Variants in ANKS1A observed in about 807,000 individuals in gnomAD.
ANKS1A encodes the protein ankyrin repeat and SAM domain-containing protein 1A.
A neutral mutation model predicts 120.3 loss-of-function variants in ANKS1A; 55 were observed. That is an observed-to-expected ratio of 0.46 (90% confidence interval 0.37 to 0.57). ANKS1A has a LOEUF of 0.57. Among genes scored for constraint, ANKS1A ranks in the 20% least tolerant of loss-of-function variants. ANKS1A has a pLI of 0.00. For missense variants in ANKS1A, 1,123 were observed against 1,480.3 expected, an observed-to-expected ratio of 0.76 and a Z score of 3.96; for synonymous variants, 590 against 604.7, an observed-to-expected ratio of 0.98 and a Z score of 0.36.
chr6:34,912,818 C>G (rs1174188721), intron 1 of ANKS1A, among the ~76,000 whole-genome samples: 1 of 152,038 alleles, frequency 6.6e-6, no homozygotes, highest in Non-Finnish European at 1.5e-5. Context: ...TTTTGACTGG[C>G]TTTTGTGTAT....
chr6:34,950,782 G>C (rs189131584), intron 1 of ANKS1A, among the ~76,000 whole-genome samples: 149 of 152,252 alleles, frequency 9.8e-4, no homozygotes, highest in Non-Finnish European at 1.8e-3. Flanking sequence ...TAGCAAGGAT[G>C]GGGGTGGGTG....
chr6:35,080,090 C>T (rs1777594792), intron 16 of ANKS1A, among the ~76,000 whole-genome samples, 162 bp downstream of exon 16: 1 of 152,186 alleles, frequency 6.6e-6, no homozygotes, highest in Non-Finnish European at 1.5e-5. Flanking sequence ...AAGTTCCCCG[C>T]CACCTGTTTC....
At chr6:34,925,831 C>T (rs1768689732) in intron 1 of ANKS1A, among the ~76,000 whole-genome samples, 3 of 152,118 alleles carry the variant, frequency 2.0e-5, no homozygotes, top group Admixed American at 2.0e-4. Context: ...TTTTGGTTGT[C>T]ATACTTAGTG....
intron 3 of ANKS1A, among the ~76,000 whole-genome samples, chr6:34,973,313 C>T (rs546349425): frequency 6.6e-6 from 1 of 152,276 alleles, no homozygotes; most frequent in African/African-American, 2.4e-5. Context: ...AACTATGTTG[C>T]AGGACCAAGG....
At chr6:34,909,484 G>A (rs903029505) in intron 1 of ANKS1A, among the ~76,000 whole-genome samples, 1 of 152,184 alleles carries the variant, frequency 6.6e-6, no homozygotes, top group Non-Finnish European at 1.5e-5. Flanking sequence ...TTCTAAGTGC[G>A]TTTAAATGGT....
intron 10 of ANKS1A, among the ~76,000 whole-genome samples, chr6:34,999,423 T>C (rs1773033882): frequency 6.6e-6 from 1 of 152,244 alleles, no homozygotes; most frequent in Non-Finnish European, 1.5e-5. Flanking sequence ...TGCAAAAGTG[T>C]GTGTGTGCCC....
chr6:34,923,691 G>A (rs1268451818), intron 1 of ANKS1A, among the ~76,000 whole-genome samples: 1 of 152,204 alleles, frequency 6.6e-6, no homozygotes, highest in African/African-American at 2.4e-5. Context: ...ATATGATTGA[G>A]TGAGCAGGTT....
intron 13 of ANKS1A, among the ~76,000 whole-genome samples, chr6:35,064,032 G>A (rs916569271): frequency 4.6e-5 from 7 of 152,252 alleles, no homozygotes; most frequent in African/African-American, 1.7e-4. Flanking sequence ...TGAGGGAGGA[G>A]GCTGCTGGGG....
intron 11 of ANKS1A, among the ~76,000 whole-genome samples, chr6:35,031,791 C>T (rs1774922852): frequency 6.6e-6 from 1 of 152,194 alleles, no homozygotes; most frequent in Middle Eastern, 3.2e-3. Flanking sequence ...GCCTGGAGTG[C>T]ATGATTCACC....
At chr6:34,924,270 T>C (rs531932599) in intron 1 of ANKS1A, among the ~76,000 whole-genome samples, 2 of 152,288 alleles carry the variant, frequency 1.3e-5, no homozygotes, top group Admixed American at 6.5e-5. Flanking sequence ...TTTCTTGTTA[T>C]GATGCATTTA....
At position 35,084,312 on chromosome 6, in the gene ANKS1A, G is replaced by T; in HGVS notation, c.3132+54G>T. 1.9e-6 allele frequency: 3 copies of T among 1,598,304 alleles called. No individual in the cohort carries two copies. Among genetic ancestry groups the T allele is most frequent in the Non-Finnish European group, 2.6e-6 (3 of 1,173,408 alleles). ...CAGGCTTGGGTTGCAGCCCTGAGGC[G>T]TCCAGCCCCATTGCAGGGCACAGAT... On this transcript the variant is annotated intron_variant, in intron 21 of 23. Transcript: ENST00000360359. The surrounding 1 kb of genome is among the most constrained non-coding windows in gnomAD (Gnocchi z 4.8).
At chr6:35,025,060 C>T (rs937855720) in intron 11 of ANKS1A, among the ~76,000 whole-genome samples, 5 of 152,034 alleles carry the variant, frequency 3.3e-5, no homozygotes, top group African/African-American at 1.2e-4. Context: ...TCCAAGTATA[C>T]AGAGTAGTCA....
chr6:34,900,179 C>T (rs1265930957), intron 1 of ANKS1A, among the ~76,000 whole-genome samples: 1 of 152,212 alleles, frequency 6.6e-6, no homozygotes, highest in Non-Finnish European at 1.5e-5. Flanking sequence ...GTTAAAGTGA[C>T]TAGCCCAGGG....
At chr6:34,971,030 T>G (rs1260544117) in intron 3 of ANKS1A, among the ~76,000 whole-genome samples, 4 of 152,204 alleles carry the variant, frequency 2.6e-5, no homozygotes, top group African/African-American at 9.6e-5. Context: ...AAATTCTGTT[T>G]ATGCCATTGA....
the ANKS1A span, among the ~76,000 whole-genome samples, chr6:35,097,638 A>AG: frequency 5.8e-3 from 178 of 30,954 alleles, 2 homozygotes; most frequent in African/African-American, 0.013. Context: ...AAGCCAAAAG[A>AG]AAAAAAAAAA....
chr6:34,904,106 A>G (rs981483682), intron 1 of ANKS1A, among the ~76,000 whole-genome samples: 3 of 152,234 alleles, frequency 2.0e-5, no homozygotes, highest in Non-Finnish European at 4.4e-5. Flanking sequence ...CGAAGATACC[A>G]GAATTCCAGC....
rs757869113 is a variant in ANKS1A, at chr6:34,982,844, G to A, written c.808+17G>A. 7 of 1,614,166 alleles carry A rather than the reference G, an allele frequency of 4.3e-6. No individual in the cohort carries two copies. Among genetic ancestry groups the A allele is most frequent in the Non-Finnish European group, 3.4e-6 (4 of 1,180,004 alleles). The stretch of plus-strand genomic sequence containing the variant: ...TGGCTGCAGGTGAGAGGTCGGCAGC[G>A]CTCTTGTCTACACAGCGTGCCAGGG... On this transcript the variant is annotated intron_variant, in intron 5 of 23. Transcript: ENST00000360359. This position sits in a 1 kb window ranked among gnomAD's most constrained non-coding sequence, Gnocchi z 4.9.
chr6:35,070,847 C>A (rs909059378), intron 13 of ANKS1A: 27 of 565,794 alleles, frequency 4.8e-5, no homozygotes, highest in Non-Finnish European at 8.7e-5. Flanking sequence ...TGTGTGTGTG[C>A]GCGCCAAAGA....
intron 1 of ANKS1A, among the ~76,000 whole-genome samples, chr6:34,933,598 G>A (rs1054957124): frequency 2.6e-5 from 4 of 152,186 alleles, no homozygotes; most frequent in Non-Finnish European, 5.9e-5. Flanking sequence ...GCAAACTCCC[G>A]ACCTTAGGTG....
Sources: gnomAD v4.1 joint callset for allele counts (sites outside exome capture counted in the v4.1 genomes callset) on GRCh38, gnomAD v4.1.1 for gene constraint, Gnocchi (gnomAD v3.1) non-coding constraint, MANE v1.5 for transcripts, NCBI Gene and HGNC (gene_info 2026-07-23, HGNC 2026-07-21) for gene names.